LINGO2: variants seen among roughly 807,000 people sequenced by gnomAD.
LINGO2 encodes leucine rich repeat and Ig domain containing 2, also known as leucine-rich repeat and immunoglobulin-like domain-containing nogo receptor-interacting protein 2.
Under a neutral mutation model 30.6 loss-of-function variants are expected in LINGO2, and 14 were observed. That is an observed-to-expected ratio of 0.46 (90% CI 0.30 to 0.72). The LOEUF (loss-of-function observed/expected upper bound fraction) is 0.72. Ranked by LOEUF, LINGO2 falls within the 30% of genes least tolerant of loss-of-function variation. The pLI is 0.07. For synonymous variants in LINGO2, 317 were observed against 288.5 expected (o/e 1.10, Z -1.00); for missense variants, 729 against 751.7 (o/e 0.97, Z 0.35).
the LINGO2 span, among the ~76,000 whole-genome samples, chr9:29,110,743 T>G: frequency 1.3e-5 from 2 of 151,568 alleles, no homozygotes; most frequent in African/African-American, 4.9e-5. Flanking sequence ...CAGGCTGGAG[T>G]GCAGTGGTGC....
intron 4 of LINGO2, among the ~76,000 whole-genome samples, chr9:28,024,296 G>C (rs189579720): frequency 1.4e-4 from 21 of 152,332 alleles, no homozygotes; most frequent in Non-Finnish European, 2.5e-4. Flanking sequence ...GGCAAAAAGA[G>C]GGTGGCATCT....
chr9:29,077,936 G>C, the LINGO2 span, among the ~76,000 whole-genome samples: 2 of 151,876 alleles, frequency 1.3e-5, no homozygotes, highest in African/African-American at 4.8e-5. Flanking sequence ...AATTAAGAAA[G>C]ACCATACTGG....
the LINGO2 span, among the ~76,000 whole-genome samples, chr9:28,833,445 C>T: frequency 6.6e-6 from 1 of 152,116 alleles, no homozygotes; most frequent in Non-Finnish European, 1.5e-5. Flanking sequence ...AAGTTGTTAA[C>T]CTTGCTAGTC....
chr9:28,222,041 T>A (rs1478096116), intron 4 of LINGO2, among the ~76,000 whole-genome samples: 1 of 152,160 alleles, frequency 6.6e-6, no homozygotes, highest in Non-Finnish European at 1.5e-5. Flanking sequence ...ATGTTATGAA[T>A]CCTACTCAAA....
chr9:28,191,511 C>T (rs541506286), intron 4 of LINGO2, among the ~76,000 whole-genome samples: 28 of 152,090 alleles, frequency 1.8e-4, no homozygotes, highest in Non-Finnish European at 3.4e-4. Context: ...ATTTATCTAG[C>T]GATCCTTCTC....
chr9:28,554,585 A>T (rs1488671998), intron 1 of LINGO2, among the ~76,000 whole-genome samples: 14 of 141,416 alleles, frequency 9.9e-5, no homozygotes, highest in African/African-American at 2.9e-4. Flanking sequence ...CATTAGACAG[A>T]TCAACGAGAC....
the LINGO2 span, among the ~76,000 whole-genome samples, chr9:29,207,080 CAT>C: frequency 1.3e-5 from 2 of 151,408 alleles, no homozygotes; most frequent in African/African-American, 4.8e-5. Context: ...TACATATATA[CAT>C]AGAGACTCTC....
intron 4 of LINGO2, among the ~76,000 whole-genome samples, chr9:28,111,749 TC>T (rs1327444513): frequency 1.3e-5 from 2 of 152,112 alleles, no homozygotes; most frequent in Non-Finnish European, 2.9e-5. Context: ...ATAGTTATCT[TC>T]CTTTATTAAA....
At chr9:28,523,285 G>C (rs1820893707) in intron 1 of LINGO2, among the ~76,000 whole-genome samples, 1 of 151,660 alleles carries the variant, frequency 6.6e-6, no homozygotes, top group Non-Finnish European at 1.5e-5. Context: ...GATAGAAATA[G>C]CCAACAAGCT....
chr9:27,968,850 A>G (rs1351840928), intron 5 of LINGO2, among the ~76,000 whole-genome samples: 1 of 151,684 alleles, frequency 6.6e-6, no homozygotes, highest in African/African-American at 2.4e-5. Flanking sequence ...CTCTACCTTT[A>G]AAACATTTAT....
At chr9:29,114,053 A>G in the LINGO2 span, among the ~76,000 whole-genome samples, 2 of 151,772 alleles carry the variant, frequency 1.3e-5, no homozygotes, top group African/African-American at 4.8e-5. Flanking sequence ...ATTTGGGGAG[A>G]GTTTCTAGGG....
At chr9:28,430,111 T>C (rs142628848) in intron 2 of LINGO2, among the ~76,000 whole-genome samples, 901 of 33,296 alleles carry the variant, frequency 0.027, 11 homozygotes, top group African/African-American at 0.064. Context: ...CGCGCGCGCG[T>C]GTGTGTGTGT....
chr9:28,441,473 T>C (rs1382519886), intron 2 of LINGO2, among the ~76,000 whole-genome samples: 3 of 150,956 alleles, frequency 2.0e-5, no homozygotes, highest in Non-Finnish European at 4.4e-5. Context: ...CAAGCTTCAG[T>C]GAATTAACTT....
chr9:28,036,456 G>A (rs138168806), intron 4 of LINGO2, among the ~76,000 whole-genome samples: 409 of 151,806 alleles, frequency 2.7e-3, no homozygotes, highest in African/African-American at 9.5e-3. Context: ...AAACCAGGAA[G>A]ATTTAAGTTA....
At chr9:27,939,364 A>G in the LINGO2 span, 1 of 152,242 alleles carries the variant, frequency 6.6e-6, no homozygotes, top group African/African-American at 2.4e-5. Context: ...CAGCTGCCCT[A>G]TATTGAAACC....
intron 3 of LINGO2, among the ~76,000 whole-genome samples, chr9:28,367,749 T>C (rs1820733647): frequency 6.6e-6 from 1 of 152,110 alleles, no homozygotes; most frequent in Non-Finnish European, 1.5e-5. Flanking sequence ...ATAGCATCAC[T>C]GGGCCCTTTT....
chr9:28,588,037 G>T (rs10968663), intron 1 of LINGO2, among the ~76,000 whole-genome samples: 2 of 152,058 alleles, frequency 1.3e-5, no homozygotes, highest in African/African-American at 4.8e-5. Flanking sequence ...AGGTCACATA[G>T]CAAGCCATAC....
At chr9:28,750,127 C>T in the LINGO2 span, among the ~76,000 whole-genome samples, 2 of 152,088 alleles carry the variant, frequency 1.3e-5, no homozygotes, top group Non-Finnish European at 2.9e-5. Context: ...AATGGTGGGA[C>T]CTGGCTTCAA....
the LINGO2 span, among the ~76,000 whole-genome samples, chr9:28,837,398 C>T: frequency 6.6e-6 from 1 of 151,706 alleles, no homozygotes; most frequent in African/African-American, 2.4e-5. Flanking sequence ...ATAATCTCAG[C>T]ACTTTGGGAG....
Sources: gnomAD v4.1 joint callset for allele counts (sites outside exome capture counted in the v4.1 genomes callset) on GRCh38, gnomAD v4.1.1 for gene constraint, MANE v1.5 for transcripts, NCBI Gene and HGNC (gene_info 2026-07-23, HGNC 2026-07-21) for gene names.